Variants in TMEM117 observed in about 807,000 individuals in gnomAD.
TMEM117 encodes the protein transmembrane protein 117.
TMEM117 carries 27 observed loss-of-function variants against 52.4 expected under a neutral mutation model. The ratio of observed to expected loss-of-function variants is 0.51; its 90% CI spans 0.38 to 0.71. TMEM117 has a LOEUF of 0.71. Among genes scored for constraint, TMEM117 ranks in the 30% least tolerant of loss-of-function variants. TMEM117 has a pLI of 0.00. For synonymous variants in TMEM117, 215 were observed against 206.3 expected (o/e 1.04, Z -0.36); for missense variants, 556 against 630.5 (o/e 0.88, Z 1.26).
chr12:43,839,960 T>C (rs2137343761), intron 1 of TMEM117, among the ~76,000 whole-genome samples: 1 of 152,362 alleles, frequency 6.6e-6, no homozygotes, highest in South Asian at 2.1e-4. Context: ...AAATTATCCT[T>C]AACTCTCACA....
chr12:44,152,464 C>T (rs55868602), intron 4 of TMEM117, among the ~76,000 whole-genome samples: 2,858 of 110,954 alleles, frequency 0.026, 69 homozygotes, highest in Admixed American at 0.036. Flanking sequence ...ATTTTTATAT[C>T]TATAATTATA....
intron 2 of TMEM117, among the ~76,000 whole-genome samples, chr12:43,862,901 A>G (rs1943514157): frequency 6.6e-6 from 1 of 152,232 alleles, no homozygotes; most frequent in African/African-American, 2.4e-5. Flanking sequence ...TGGGAGGCAG[A>G]GGTTGCAGTG....
the TMEM117 span, among the ~76,000 whole-genome samples, chr12:43,810,025 CTG>C: frequency 6.6e-6 from 1 of 152,056 alleles, no homozygotes; most frequent in Non-Finnish European, 1.5e-5. Context: ...AAAATATAGA[CTG>C]AAGTAATATT....
intron 4 of TMEM117, among the ~76,000 whole-genome samples, chr12:44,178,176 C>T (rs1322564856): frequency 6.6e-6 from 1 of 152,106 alleles, no homozygotes; most frequent in African/African-American, 2.4e-5. Flanking sequence ...TTTAGATACA[C>T]TGTTAATTTA....
chr12:44,136,995 G>T (rs1486246209), intron 3 of TMEM117, among the ~76,000 whole-genome samples: 1 of 150,088 alleles, frequency 6.7e-6, no homozygotes, highest in Non-Finnish European at 1.5e-5. Context: ...TCCTACTTTG[G>T]CCCTGATGTC....
At chr12:44,227,673 CT>C (rs1949880608) in intron 5 of TMEM117, among the ~76,000 whole-genome samples, 2 of 152,046 alleles carry the variant, frequency 1.3e-5, no homozygotes, top group Non-Finnish European at 2.9e-5. Context: ...TTTCATAGTG[CT>C]TTACAATGTA....
intron 5 of TMEM117, among the ~76,000 whole-genome samples, chr12:44,248,147 C>T (rs926009380): frequency 6.6e-6 from 1 of 152,048 alleles, no homozygotes. Context: ...TCGTGTGGTT[C>T]AGGGAACAAA....
chr12:44,035,906 C>T (rs1031869137), intron 3 of TMEM117, among the ~76,000 whole-genome samples: 1 of 152,076 alleles, frequency 6.6e-6, no homozygotes, highest in South Asian at 2.1e-4. Context: ...TGCTGAGGGC[C>T]CCTGAGTTTT....
At chr12:43,926,533 T>C (rs1467966193) in intron 2 of TMEM117, among the ~76,000 whole-genome samples, 1 of 152,188 alleles carries the variant, frequency 6.6e-6, no homozygotes, top group African/African-American at 2.4e-5. Context: ...ATTTTTTAAG[T>C]GAATTATAAA....
chr12:44,148,095 G>A (rs542511129), intron 4 of TMEM117, among the ~76,000 whole-genome samples: 5 of 152,222 alleles, frequency 3.3e-5, no homozygotes, highest in Admixed American at 6.5e-5. Flanking sequence ...ATTATCTGTC[G>A]GAATTTATGT....
intron 3 of TMEM117, among the ~76,000 whole-genome samples, chr12:44,058,040 C>T (rs1274401921): frequency 6.6e-6 from 1 of 152,074 alleles, no homozygotes; most frequent in Non-Finnish European, 1.5e-5. Flanking sequence ...TTTTTAAATT[C>T]CAGCTATGTT....
intron 2 of TMEM117, among the ~76,000 whole-genome samples, chr12:43,941,049 A>G (rs1945036824): frequency 6.6e-6 from 1 of 152,054 alleles, no homozygotes; most frequent in South Asian, 2.1e-4. Context: ...TCCCACTTTA[A>G]TGCTTTTGAT....
In TMEM117 at chr12:44,145,290, A is replaced by G. The variant is rs986218122; in HGVS notation, c.510+1666A>G. 3.3e-5 allele frequency among the ~76,000 whole-genome samples: 5 copies of G among 152,208 alleles called. 1 individual carries two copies. The highest frequency in any genetic ancestry group is 6.3e-3 in the Middle Eastern group (2 of 316). On this transcript the variant is annotated intron_variant, in intron 4 of 7. Transcript: ENST00000266534. ...TTAAAAAAATTTTTTGACATTAATT[A>G]TGCATTGTGATTTTGACATCACTTT...
rs117186318 is a variant in TMEM117, at chr12:44,191,835, A to G, written c.511-19455A>G. Among the ~76,000 whole-genome samples, 1,459 of 152,274 alleles carry G rather than the reference A, an allele frequency of 9.6e-3. 9 individuals carry two copies. The highest frequency in any genetic ancestry group is 0.016 in the Non-Finnish European group (1,061 of 68,024). ...ATATTGTTTTAAATTGAATTGAACTACTACATTTTTTTCTATAAGTAATAG... is the reference window on the plus strand; with the variant it reads ...ATATTGTTTTAAATTGAATTGAACTGCTACATTTTTTTCTATAAGTAATAG... On this transcript the variant is annotated intron_variant, in intron 4 of 7. Transcript: ENST00000266534.
intron 3 of TMEM117, among the ~76,000 whole-genome samples, chr12:44,013,268 G>GATC (rs1459214108): frequency 2.6e-5 from 4 of 152,096 alleles, no homozygotes; most frequent in African/African-American, 9.7e-5. Context: ...GAGGTCAAGT[G>GATC]ATCAGCCTGC....
chr12:44,145,305 G>T (rs180687016), intron 4 of TMEM117, among the ~76,000 whole-genome samples: 1 of 152,218 alleles, frequency 6.6e-6, no homozygotes, highest in Admixed American at 6.5e-5. Flanking sequence ...TTGTGATTTT[G>T]ACATCACTTT....
intron 3 of TMEM117, among the ~76,000 whole-genome samples, chr12:43,964,001 A>C (rs1945445308): frequency 6.6e-6 from 1 of 152,162 alleles, no homozygotes. Context: ...GATAGGTTAG[A>C]TTATGCCTCA....
Position 44,054,713 on chromosome 12 carries a change from A to AT in TMEM117, c.411-88802dup, listed in dbSNP as rs1359947172. ...TACCAATAGGATTATTTTTTTTTCA[A>AT]TTTTTTTTTTCTTCCTCATCTTCAT... On this transcript the variant is annotated intron_variant, in intron 3 of 7. Coordinates refer to ENST00000266534, the MANE Select transcript of TMEM117 (RefSeq NM_032256.3). Among the ~76,000 whole-genome samples the AT allele has an allele frequency of 6.3e-5, 9 of 141,800 alleles. 1 individual carries two copies. Among genetic ancestry groups the AT allele is most frequent in the Admixed American group, 2.1e-4 (3 of 14,394 alleles). 93.0% of individuals were successfully genotyped at this position (141,800 alleles called of 152,430 possible).
intron 2 of TMEM117, among the ~76,000 whole-genome samples, chr12:43,929,603 G>A (rs1302217411): frequency 6.6e-6 from 1 of 152,010 alleles, no homozygotes; most frequent in African/African-American, 2.4e-5. Flanking sequence ...GTATATAACT[G>A]TAAAACCACC....
Sources: gnomAD v4.1 joint callset for allele counts (sites outside exome capture counted in the v4.1 genomes callset) on GRCh38, gnomAD v4.1.1 for gene constraint, MANE v1.5 for transcripts, NCBI Gene and HGNC (gene_info 2026-07-23, HGNC 2026-07-21) for gene names.